The following HTRA3 variants were observed in gnomAD, a reference collection of about 807,000 sequenced individuals.
The protein encoded by HTRA3 is serine protease HTRA3.
Under a neutral mutation model 43.2 loss-of-function variants are expected in HTRA3, and 41 were observed. That is an observed-to-expected ratio of 0.95 (90% confidence interval 0.74 to 1.23). The LOEUF (loss-of-function observed/expected upper bound fraction) is 1.23, where lower values mean the gene tolerates loss of function less well. HTRA3 is among the 50% of genes most tolerant of loss of function. HTRA3 has a pLI of 0.00. For missense variants in HTRA3, 628 were observed against 647.1 expected (o/e 0.97, Z 0.32); for synonymous variants, 295 against 287.9 (o/e 1.02, Z -0.25).
In HTRA3 at chr4:8,270,152, T is replaced by A. The variant is rs1488923931; in HGVS notation, c.184T>A (p.Cys62Ser). Reference protein sequence around the residue: ...LVCAASEGEPCGGPLDSPCGE... With the variant: ...LVCAASEGEPSGGPLDSPCGE... ...GTGCGCCGCCAGCGAGGGCGAGCCC[T>A]GTGGCGGCCCTCTGGACTCGCCTTG... The change falls in exon 1 of 9, where the codon TGT (cysteine) becomes AGT (serine). Residue 62 changes from cysteine to serine, a missense_variant. Cys to Ser is a moderately radical substitution (Grantham distance 112, BLOSUM62 -1). Coordinates refer to ENST00000307358, the MANE Select transcript of HTRA3 (RefSeq NM_053044.5). 2 of 1,543,146 alleles carry A rather than the reference T, an allele frequency of 1.3e-6. No homozygotes were observed. The highest frequency in any genetic ancestry group is 1.7e-6 in the Non-Finnish European group (2 of 1,157,480).
intron 1 of HTRA3, among the ~76,000 whole-genome samples, chr4:8,273,205 G>A (rs990190234): frequency 2.6e-5 from 4 of 152,210 alleles, no homozygotes; most frequent in Admixed American, 1.3e-4. Flanking sequence ...CTCTGCAAGG[G>A]GTGGCAGGGC....
At position 8,297,319 on chromosome 4, in the gene HTRA3, TC is replaced by T. The variant is rs768216614; in HGVS notation, c.1051+3122del. Among the ~76,000 whole-genome samples the T allele has an allele frequency of 4.6e-5, 7 of 151,988 alleles. No individual in the cohort carries two copies. Among genetic ancestry groups the T allele is most frequent in the Non-Finnish European group, 8.8e-5 (6 of 68,006 alleles). On this transcript the variant is annotated intron_variant, in intron 6 of 8. Coordinates refer to ENST00000307358, the MANE Select transcript of HTRA3 (RefSeq NM_053044.5). This position sits in a 1 kb window ranked among gnomAD's most constrained non-coding sequence, Gnocchi z 5.8. ...ATCCTGAGCACAGTGAGTCGTGCTT[TC>T]CCCAGCTCTGGCCCAGGGGCATTAC... is the stretch of plus-strand genomic sequence containing the variant.
chr4:8,269,914 C>A lies in HTRA3; in HGVS notation c.-55C>A. 1 of 892,896 alleles carries A rather than the reference C, an allele frequency of 1.1e-6. No individual in the cohort carries two copies. Among genetic ancestry groups the A allele is most frequent in the Non-Finnish European group, 1.4e-6 (1 of 740,152 alleles). 55.3% of individuals were successfully genotyped at this position (892,896 alleles called of 1,614,324 possible). A position where few individuals can be genotyped will look rare whatever the true frequency, so the allele number is the denominator to read the frequency against. On this transcript the variant is annotated 5_prime_UTR_variant, in exon 1 of 9. Transcript: ENST00000307358. ...CCGGCCCCGCAGCGGCCTCGTTGTCCCCGCCGGCCCCCGCCCGGTCTCCCG... is the reference window on the plus strand; with the variant it reads ...CCGGCCCCGCAGCGGCCTCGTTGTCACCGCCGGCCCCCGCCCGGTCTCCCG...
chr4:8,288,894 C>T (rs763870552), intron 3 of HTRA3, among the ~76,000 whole-genome samples: 1 of 103,526 alleles, frequency 9.7e-6, no homozygotes, highest in African/African-American at 3.6e-5. Context: ...TCCTTCCTTC[C>T]GTCCGTCCTT....
intron 5 of HTRA3, among the ~76,000 whole-genome samples, chr4:8,293,283 G>A (rs528304858): frequency 2.0e-5 from 3 of 152,334 alleles, no homozygotes; most frequent in African/African-American, 7.2e-5. Context: ...CCAGGCCCAG[G>A]AGGCTGCTCC....
rs371112227 is a variant in HTRA3, at chr4:8,306,200, A to G, written c.*64A>G. The stretch of plus-strand genomic sequence containing the variant: ...GACAACGGAGGGCAGCGCCCCCCCG[A>G]GATCAGGACGAAGGACCACCGTCGG... On this transcript the variant is annotated 3_prime_UTR_variant, in exon 9 of 9. Transcript: ENST00000307358. The surrounding 1 kb of genome is among the most constrained non-coding windows in gnomAD (Gnocchi z 8.9). 1,202 of 1,486,914 alleles carry G rather than the reference A, an allele frequency of 8.1e-4. 19 individuals carry two copies. In the South Asian group the frequency reaches 0.015, roughly 19 times the overall value. 92.1% of individuals were successfully genotyped at this position (1,486,914 alleles called of 1,614,324 possible). A position where few individuals can be genotyped will look rare whatever the true frequency, so the allele number is the denominator to read the frequency against.
At chr4:8,282,998 T>A (rs968378762) in intron 2 of HTRA3, among the ~76,000 whole-genome samples, 1 of 151,656 alleles carries the variant, frequency 6.6e-6, no homozygotes, top group Non-Finnish European at 1.5e-5. Context: ...AAGCCTGAAG[T>A]AGGCACCCCG....
In HTRA3 at chr4:8,306,168, G is replaced by C; in HGVS notation, c.*32G>C. 6.5e-7 allele frequency: 1 copy of C among 1,539,744 alleles called. No individual in the cohort carries two copies. The highest frequency in any genetic ancestry group is 1.4e-5 in the African/African-American group (1 of 73,102). ...CATTCCTCCAGCGCCAAGCGTCAGA[G>C]CCTGCAGACAACGGAGGGCAGCGCC... On this transcript the variant is annotated 3_prime_UTR_variant, in exon 9 of 9. Coordinates refer to ENST00000307358, the MANE Select transcript of HTRA3 (RefSeq NM_053044.5). This position sits in a 1 kb window ranked among gnomAD's most constrained non-coding sequence, Gnocchi z 8.9.
chr4:8,280,812 T>C (rs1357401342), intron 1 of HTRA3, among the ~76,000 whole-genome samples: 1 of 152,164 alleles, frequency 6.6e-6, no homozygotes, highest in Non-Finnish European at 1.5e-5. Context: ...GGACGAGGGC[T>C]GGTGTGGTTG....
chr4:8,298,687 A>C (rs1211134008), intron 6 of HTRA3, among the ~76,000 whole-genome samples: 1 of 152,202 alleles, frequency 6.6e-6, no homozygotes, highest in Non-Finnish European at 1.5e-5. Flanking sequence ...AAATAGTGCA[A>C]AGTATAGATC....
chr4:8,283,954 C>T (rs546477102), intron 2 of HTRA3, among the ~76,000 whole-genome samples: 3 of 152,312 alleles, frequency 2.0e-5, no homozygotes, highest in East Asian at 3.9e-4. Flanking sequence ...CTAGGCGTCA[C>T]GGCCCCTCTG....
At chr4:8,287,504 C>T (rs959715248) in intron 3 of HTRA3, among the ~76,000 whole-genome samples, 2 of 152,102 alleles carry the variant, frequency 1.3e-5, no homozygotes, top group Non-Finnish European at 1.5e-5. Flanking sequence ...ACAATCATGA[C>T]GGAAGGCAAA....
chr4:8,293,743 T>C (rs1713333029), intron 5 of HTRA3, among the ~76,000 whole-genome samples: 1 of 152,112 alleles, frequency 6.6e-6, no homozygotes. Flanking sequence ...CCTTACCATG[T>C]TCCTCCCTCT....
chr4:8,274,463 G>A (rs1344764079), intron 1 of HTRA3, among the ~76,000 whole-genome samples: 3 of 152,242 alleles, frequency 2.0e-5, no homozygotes, highest in African/African-American at 2.4e-5. Context: ...TCGAAGCCTC[G>A]CCGGGCAGGG....
chr4:8,295,721 C>G lies in HTRA3; in HGVS notation c.1051+1520C>G. On this transcript the variant is annotated intron_variant, in intron 6 of 8. Transcript: ENST00000307358. The surrounding 1 kb of genome is among the most constrained non-coding windows in gnomAD (Gnocchi z 6.9). ...CCCCTCACTGGCAGTTCATTGAGAG[C>G]AGGGGGCTTCCTCACGTTTCCCCCT... is the stretch of plus-strand genomic sequence containing the variant. The G allele has an allele frequency of 7.2e-7, 1 of 1,382,666 alleles. No individual in the cohort carries two copies. The highest frequency in any genetic ancestry group is 9.4e-7 in the Non-Finnish European group (1 of 1,065,100). The allele number at this position is 1,382,666 out of a possible 1,614,324, so 85.6% of individuals were successfully genotyped here.
chr4:8,281,923 C>T (rs1712762029), intron 1 of HTRA3, among the ~76,000 whole-genome samples: 1 of 152,226 alleles, frequency 6.6e-6, no homozygotes, highest in African/African-American at 2.4e-5. Flanking sequence ...GCCTGGGTAG[C>T]TCAGAAGGGT....
At chr4:8,288,673 A>G (rs1204243200) in intron 3 of HTRA3, among the ~76,000 whole-genome samples, 1 of 151,548 alleles carries the variant, frequency 6.6e-6, no homozygotes, top group Admixed American at 6.6e-5. Context: ...CCCAGGTTCA[A>G]GTAATTCCCC....
At position 8,296,716 on chromosome 4, in the gene HTRA3, C is replaced by T. The variant is rs992454504; in HGVS notation, c.1051+2515C>T. On this transcript the variant is annotated intron_variant, in intron 6 of 8. Transcript: ENST00000307358. This position sits in a 1 kb window ranked among gnomAD's most constrained non-coding sequence, Gnocchi z 5.3. ...GGGTGTTTGATTCATGGAGTGGGGCCGTTTGTGGGCATCTGCCCCTCTGTG... is the reference window on the plus strand; with the variant it reads ...GGGTGTTTGATTCATGGAGTGGGGCTGTTTGTGGGCATCTGCCCCTCTGTG... 6.6e-6 allele frequency among the ~76,000 whole-genome samples: 1 copy of T among 152,106 alleles called. No individual in the cohort carries two copies. The highest frequency in any genetic ancestry group is 2.4e-5 in the African/African-American group (1 of 41,418).
intron 5 of HTRA3, among the ~76,000 whole-genome samples, chr4:8,293,358 G>T (rs1713317205): frequency 6.6e-6 from 1 of 152,172 alleles, no homozygotes; most frequent in Non-Finnish European, 1.5e-5. Flanking sequence ...CAATCTACTG[G>T]ATCTCACACT....
Sources: allele counts gnomAD v4.1 joint callset (sites outside exome capture counted in the v4.1 genomes callset), GRCh38; gene constraint gnomAD v4.1.1; non-coding constraint Gnocchi (gnomAD v3.1); transcripts MANE v1.5; gene names NCBI Gene and HGNC (gene_info 2026-07-23, HGNC 2026-07-21).